The following TTC28 variants were observed in gnomAD, a reference collection of about 807,000 sequenced individuals.
TTC28 encodes tetratricopeptide repeat protein 28.
In TTC28, 61 loss-of-function variants were observed where a neutral mutation model predicts 198.0. The observed-to-expected ratio is 0.31, with a 90% CI of 0.25 to 0.38. The LOEUF is 0.38. Ranked by LOEUF, TTC28 falls within the 10% of genes least tolerant of loss-of-function variation. The pLI is 1.00. For missense variants in TTC28, 2,678 were observed against 3,164.0 expected, an observed-to-expected ratio of 0.85 and a Z score of 3.69; for synonymous variants, 1,171 against 1,297.8, an observed-to-expected ratio of 0.90 and a Z score of 2.10.
chr22:28,467,350 G>C (rs771192271), intron 2 of TTC28, among the ~76,000 whole-genome samples: 1 of 152,176 alleles, frequency 6.6e-6, no homozygotes, highest in Non-Finnish European at 1.5e-5. Flanking sequence ...CTTGGGCCCA[G>C]GAGGTCAGGG....
chr22:28,362,325 T>C (rs2046172120), intron 2 of TTC28, among the ~76,000 whole-genome samples: 1 of 152,116 alleles, frequency 6.6e-6, no homozygotes, highest in African/African-American at 2.4e-5. Flanking sequence ...CTGTCATCCG[T>C]GTAAGATGTG....
chr22:28,587,996 G>C (rs1160561580), intron 2 of TTC28, among the ~76,000 whole-genome samples: 3 of 151,736 alleles, frequency 2.0e-5, no homozygotes, highest in African/African-American at 7.3e-5. Context: ...AAAAAAATTA[G>C]CCAGGCGTGG....
chr22:28,236,766 C>G (rs894409772), intron 5 of TTC28, among the ~76,000 whole-genome samples: 8 of 152,122 alleles, frequency 5.3e-5, no homozygotes, highest in Non-Finnish European at 8.8e-5. Context: ...AGAAAGGAAC[C>G]AGAAAGCTTC....
At position 28,589,510 on chromosome 22, in the gene TTC28, G is replaced by C. The variant is rs144859550; in HGVS notation, c.381+40042C>G. On this transcript the variant is annotated intron_variant, in intron 2 of 22. Coordinates refer to ENST00000397906, the MANE Select transcript of TTC28 (RefSeq NM_001145418.2). ...CATCTGCTTTTTGTTCCTTATTTCT[G>C]CTTTCTTCAGCCTTTTCCTGTCTAT... Among the ~76,000 whole-genome samples the C allele has an allele frequency of 6.3e-3, 958 of 152,256 alleles. 8 individuals carry two copies. Among genetic ancestry groups the C allele is most frequent in the African/African-American group, 0.022 (919 of 41,548 alleles).
rs1287642824 is a variant in TTC28, at chr22:28,479,736, C to T, written c.381+149816G>A. On this transcript the variant is annotated intron_variant, in intron 2 of 22. Coordinates refer to ENST00000397906, the MANE Select transcript of TTC28 (RefSeq NM_001145418.2). ...TAACCTCAAAATAATCTTCCTTGTT[C>T]TCTCTTCCCATTCTCCCCTACCCCT... 2.6e-5 allele frequency among the ~76,000 whole-genome samples: 4 copies of T among 152,152 alleles called. No individual in the cohort carries two copies. The South Asian group carries it at 8.3e-4, about 32-fold the overall frequency.
At chr22:28,144,807 C>T (rs1406522258) in intron 6 of TTC28, among the ~76,000 whole-genome samples, 1 of 152,234 alleles carries the variant, frequency 6.6e-6, no homozygotes, top group Non-Finnish European at 1.5e-5. Flanking sequence ...GACAAGCAAG[C>T]TGACTGCTGC....
chr22:28,640,094 C>G (rs990465282), intron 1 of TTC28, among the ~76,000 whole-genome samples: 26 of 151,850 alleles, frequency 1.7e-4, no homozygotes, highest in African/African-American at 4.8e-4. Flanking sequence ...ATTGCTTGAG[C>G]CCAGGAATTC....
chr22:28,560,472 AT>A (rs1406506738), intron 2 of TTC28, among the ~76,000 whole-genome samples: 1 of 152,180 alleles, frequency 6.6e-6, no homozygotes, highest in Non-Finnish European at 1.5e-5. Flanking sequence ...CCTGTAACTT[AT>A]GACTTGGGCC....
intron 2 of TTC28, among the ~76,000 whole-genome samples, chr22:28,524,533 TG>T (rs1307406724): frequency 1.3e-5 from 2 of 151,838 alleles, no homozygotes; most frequent in East Asian, 3.9e-4. Context: ...CCCAGCACTT[TG>T]GGAGGCTAAG....
At chr22:28,509,354 C>A (rs1568987559) in intron 2 of TTC28, among the ~76,000 whole-genome samples, 1 of 152,148 alleles carries the variant, frequency 6.6e-6, no homozygotes, top group Non-Finnish European at 1.5e-5. Flanking sequence ...GACCACAGTG[C>A]AATCAAATCA....
chr22:28,624,169 T>C (rs1046827256), intron 2 of TTC28, among the ~76,000 whole-genome samples: 53 of 152,202 alleles, frequency 3.5e-4, no homozygotes, highest in African/African-American at 1.3e-3. Flanking sequence ...AGATTAACAA[T>C]ATCAAGAATG....
At chr22:28,490,573 G>A (rs983633956) in intron 2 of TTC28, among the ~76,000 whole-genome samples, 3 of 152,124 alleles carry the variant, frequency 2.0e-5, no homozygotes, top group African/African-American at 7.2e-5. Context: ...AGAACTAAAG[G>A]CCACCACACA....
At chr22:28,089,326 A>G (rs868339146) in intron 12 of TTC28, among the ~76,000 whole-genome samples, 16 of 152,264 alleles carry the variant, frequency 1.1e-4, no homozygotes, top group Admixed American at 5.9e-4. Context: ...ATGGAATACT[A>G]TGCAGCCATA....
At chr22:28,194,076 A>G (rs1925154786) in intron 5 of TTC28, among the ~76,000 whole-genome samples, 1 of 152,204 alleles carries the variant, frequency 6.6e-6, no homozygotes, top group Non-Finnish European at 1.5e-5. Context: ...CAGAAATTAT[A>G]ACAAACTCTC....
chr22:28,618,700 A>C (rs551062615), intron 2 of TTC28, among the ~76,000 whole-genome samples: 282 of 151,536 alleles, frequency 1.9e-3, no homozygotes, highest in Middle Eastern at 3.4e-3. Flanking sequence ...AAAAAAAAAA[A>C]CATAGCAAAG....
At chr22:28,527,532 A>G (rs1478801930) in intron 2 of TTC28, among the ~76,000 whole-genome samples, 2 of 151,896 alleles carry the variant, frequency 1.3e-5, no homozygotes, top group Non-Finnish European at 1.5e-5. Context: ...CTTCTCCAAC[A>G]AGGTTTCAGA....
chr22:28,347,557 G>A (rs569545801), intron 2 of TTC28, among the ~76,000 whole-genome samples: 136 of 152,246 alleles, frequency 8.9e-4, no homozygotes, highest in African/African-American at 2.9e-3. Context: ...CAGGTAAGGC[G>A]CACTGAAAAG....
intron 1 of TTC28, among the ~76,000 whole-genome samples, chr22:28,632,253 CTTTTTTTTTTTTT>C (rs765447917): frequency 1.0e-4 from 5 of 49,670 alleles, no homozygotes; most frequent in African/African-American, 3.1e-4. Context: ...TTATATTCAA[CTTTTTTTTTTTTT>C]TTTTTTTTTT....
At chr22:28,047,167 G>A (rs192830074) in intron 12 of TTC28, among the ~76,000 whole-genome samples, 68 of 152,330 alleles carry the variant, frequency 4.5e-4, no homozygotes, top group African/African-American at 1.6e-3. Context: ...GTGTTGTCAT[G>A]GCACCTCACA....
Sources: gnomAD v4.1 joint callset for allele counts (sites outside exome capture counted in the v4.1 genomes callset) on GRCh38, gnomAD v4.1.1 for gene constraint, MANE v1.5 for transcripts, NCBI Gene and HGNC (gene_info 2026-07-23, HGNC 2026-07-21) for gene names.